Variants in ISM2 observed in about 807,000 individuals in gnomAD.
ISM2 encodes isthmin-2.
In ISM2, 50 loss-of-function variants were observed where a neutral mutation model predicts 58.0. The ratio of observed to expected loss-of-function variants is 0.86; its 90% confidence interval spans 0.69 to 1.09. ISM2 has a LOEUF of 1.09. Ranked by LOEUF, ISM2 falls within the 50% of genes least tolerant of loss-of-function variation. The pLI is 0.00. For missense variants in ISM2, 723 were observed against 745.0 expected, an observed-to-expected ratio of 0.97 and a Z score of 0.34; for synonymous variants, 303 against 312.4, an observed-to-expected ratio of 0.97 and a Z score of 0.32.
chr14:77,474,854 C>T lies in ISM2; in HGVS notation c.*741G>A, dbSNP rs1281883925. 6.6e-6 allele frequency: 1 copy of T among 152,280 alleles called. No homozygotes were observed. Among genetic ancestry groups the T allele is most frequent in the African/African-American group, 2.4e-5 (1 of 41,446 alleles). 9.4% of individuals were successfully genotyped at this position (152,280 alleles called of 1,614,324 possible). On this transcript the variant is annotated 3_prime_UTR_variant, in exon 7 of 7. Transcript: ENST00000342219. Reference sequence around the variant, plus strand: ...CTCGGGGGGAGTGCCAACTCCCAGCCCTGCACATCCCTACAATCAGCAGAA... The same window carrying T: ...CTCGGGGGGAGTGCCAACTCCCAGCTCTGCACATCCCTACAATCAGCAGAA...
chr14:77,479,858 C>G (rs1417677174), intron 4 of ISM2, among the ~76,000 whole-genome samples: 1 of 151,914 alleles, frequency 6.6e-6, no homozygotes, highest in South Asian at 2.1e-4. Flanking sequence ...CGGGGTTTCA[C>G]CATGTTGCCC....
intron 1 of ISM2, among the ~76,000 whole-genome samples, chr14:77,485,815 G>T (rs1205804828): frequency 6.6e-6 from 1 of 152,204 alleles, no homozygotes; most frequent in Non-Finnish European, 1.5e-5. Flanking sequence ...TCATACCTGG[G>T]CAGTATGGTA....
intron 4 of ISM2, 69 bp downstream of exon 4, chr14:77,482,253 C>T: frequency 8.1e-7 from 1 of 1,238,446 alleles, no homozygotes; most frequent in Non-Finnish European, 1.1e-6. Flanking sequence ...TCCACCCTCT[C>T]CCTCACCCCC....
intron 1 of ISM2, among the ~76,000 whole-genome samples, chr14:77,486,511 C>A (rs1389637460): frequency 1.3e-5 from 2 of 152,166 alleles, no homozygotes; most frequent in African/African-American, 4.8e-5. Flanking sequence ...CAACTCAGCC[C>A]CTTCACTGAC....
chr14:77,475,860 C>T lies in ISM2; in HGVS notation c.1451G>A (p.Ser484Asn). Residue 484 changes from serine to asparagine, a missense_variant, in exon 7 of 7, where the codon AGC (serine) becomes AAC (asparagine). By Grantham distance (46) the Ser-to-Asn change is conservative (BLOSUM62 1). Coordinates refer to ENST00000342219, the MANE Select transcript of ISM2 (RefSeq NM_199296.3). This position sits in a 1 kb window ranked among gnomAD's most constrained non-coding sequence, Gnocchi z 4.1. ...FCLRSMLSGE[S>N]STLAAQHCCY... ...GCAGTGCTGGGCGGCCAGTGTGCTGCTCTCCCCAGACAGCATGGAACGCAG... is the reference window on the plus strand; with the variant it reads ...GCAGTGCTGGGCGGCCAGTGTGCTGTTCTCCCCAGACAGCATGGAACGCAG... 6.2e-7 allele frequency: 1 copy of T among 1,609,224 alleles called. No homozygotes were observed. The highest frequency in any genetic ancestry group is 8.5e-7 in the Non-Finnish European group (1 of 1,179,886).
intron 1 of ISM2, among the ~76,000 whole-genome samples, chr14:77,489,077 G>A (rs761095287): frequency 1.8e-4 from 28 of 152,136 alleles, no homozygotes; most frequent in Admixed American, 3.3e-4. Flanking sequence ...AGGCTTGGCC[G>A]GGCAGCCCCT....
intron 4 of ISM2, among the ~76,000 whole-genome samples, chr14:77,481,059 G>T (rs1440070674): frequency 6.6e-6 from 1 of 151,936 alleles, no homozygotes; most frequent in African/African-American, 2.4e-5. Flanking sequence ...CATCATCATG[G>T]CCGGGCACGG....
chr14:77,475,309 C>T lies in ISM2; in HGVS notation c.*286G>A, dbSNP rs151296357. ...GGAGAAAAATGAGTGGCCAGGGTCC[C>T]AGCAGGCAGCAGAGGGAGGCCCCGG... On this transcript the variant is annotated 3_prime_UTR_variant, in exon 7 of 7. Transcript: ENST00000342219. The surrounding 1 kb of genome is among the most constrained non-coding windows in gnomAD (Gnocchi z 4.1). The T allele has an allele frequency of 6.4e-4, 176 of 273,136 alleles. No homozygotes were observed. Among genetic ancestry groups the T allele is most frequent in the African/African-American group, 3.1e-3 (143 of 45,720 alleles). The allele number at this position is 273,136 out of a possible 1,614,324, so 16.9% of individuals were successfully genotyped here. A position where few individuals can be genotyped will look rare whatever the true frequency, so the allele number is the denominator to read the frequency against.
rs755490049 is a variant in ISM2, at chr14:77,478,263, C to T, written c.1177G>A (p.Ala393Thr). ...TCACCTTGATCATGCATGTCCGTAG[C>T]ATTGCGGGCCAGGAGCTTCCACTCC... ...SEEWKLLARN[A>T]TDMHDQDVDS... is the part of the protein sequence containing the mutation. The change falls in exon 6 of 7, where the codon GCT becomes ACT. Residue 393 changes from alanine to threonine, a missense_variant. Ala to Thr is a moderately conservative substitution (Grantham distance 58). Coordinates refer to ENST00000342219, the MANE Select transcript of ISM2 (RefSeq NM_199296.3). 6 of 1,614,144 alleles carry T rather than the reference C, an allele frequency of 3.7e-6. No homozygotes were observed. In the South Asian group the frequency reaches 6.6e-5, roughly 18 times the overall value.
intron 1 of ISM2, among the ~76,000 whole-genome samples, chr14:77,487,315 T>C (rs980619009): frequency 1.3e-5 from 2 of 152,040 alleles, no homozygotes; most frequent in Admixed American, 6.5e-5. Context: ...ATGCTGTAGA[T>C]TGGGCTGCCT....
intron 1 of ISM2, chr14:77,498,446 T>G: frequency 1.7e-6 from 2 of 1,186,226 alleles, no homozygotes; most frequent in Non-Finnish European, 2.4e-6. Context: ...CGGCTCGCGG[T>G]CACGCGCGAG....
intron 1 of ISM2, among the ~76,000 whole-genome samples, chr14:77,488,751 G>GC (rs2079182991): frequency 6.6e-6 from 1 of 152,206 alleles, no homozygotes; most frequent in African/African-American, 2.4e-5. Context: ...GCCATCAGGG[G>GC]CACCCCCCTC....
chr14:77,475,897 C>A lies in ISM2; in HGVS notation c.1414G>T (p.Ala472Ser), dbSNP rs2079094994. 1.9e-6 allele frequency: 3 copies of A among 1,603,276 alleles called. No homozygotes were observed. Among genetic ancestry groups the A allele is most frequent in the Non-Finnish European group, 2.5e-6 (3 of 1,179,888 alleles). The change falls in exon 7 of 7, where the codon GCG (alanine) becomes TCG (serine). Residue 472 changes from alanine to serine, a missense_variant. Physicochemically the swap from Ala to Ser is moderately conservative, Grantham distance 99. Transcript: ENST00000342219. The surrounding 1 kb of genome is among the most constrained non-coding windows in gnomAD (Gnocchi z 4.1). ...AGCATGGAACGCAGGCAGAAGCGCG[C>A]CGTGGGCTGGTAGATGTCCAGGCGC... Reference protein sequence around the residue: ...RERLDIYQPTARFCLRSMLSG... With the variant: ...RERLDIYQPTSRFCLRSMLSG...
chr14:77,497,769 GGGAAGGAAGGAAGGAAGGAAGGAA>G (rs1177768719), intron 1 of ISM2, among the ~76,000 whole-genome samples: 56 of 86,212 alleles, frequency 6.5e-4, no homozygotes, highest in African/African-American at 3.2e-3. Flanking sequence ...GAGGGAGGGA[GGGAAGGAAGGAAGGAAGGAAGGAA>G]GGAAGGAAGG....
Position 77,487,032 on chromosome 14 carries a change from G to A in ISM2, c.142-2113C>T, listed in dbSNP as rs533162780. 4.4e-3 allele frequency among the ~76,000 whole-genome samples: 666 copies of A among 151,424 alleles called. 6 individuals carry two copies. The highest frequency in any genetic ancestry group is 0.015 in the African/African-American group (639 of 41,264). On this transcript the variant is annotated intron_variant, in intron 1 of 6. Coordinates refer to ENST00000342219, the MANE Select transcript of ISM2 (RefSeq NM_199296.3). ...TGAGGCGGGTGGATCACTTGAGGTC[G>A]GGAGTTTGAGACCAGCCTGGCCAAC...
At position 77,498,752 on chromosome 14, in the gene ISM2, C is replaced by T. The variant is rs1410808078; in HGVS notation, c.42G>A (p.Val14=). The change falls in exon 1 of 7, where the codon GTG becomes GTA. Residue 14 remains valine, a synonymous_variant. Transcript: ENST00000342219. ...CCTCCAGCAGCGCCGCCAGCAGCAG[C>T]ACGCAGAGGAGGAGCCCGGCTCGGT... The part of the protein sequence containing the change: ...LRDRAGLLLC[V]LLLAALLEAA... 6.8e-7 allele frequency: 1 copy of T among 1,480,010 alleles called. No homozygotes were observed. Among genetic ancestry groups the T allele is most frequent in the Non-Finnish European group, 8.9e-7 (1 of 1,123,968 alleles). 91.7% of individuals were successfully genotyped at this position (1,480,010 alleles called of 1,614,324 possible). A position where few individuals can be genotyped will look rare whatever the true frequency, so the allele number is the denominator to read the frequency against.
At chr14:77,488,205 C>A (rs980613813) in intron 1 of ISM2, among the ~76,000 whole-genome samples, 3 of 152,148 alleles carry the variant, frequency 2.0e-5, no homozygotes, top group Non-Finnish European at 2.9e-5. Context: ...ATTATAGGAG[C>A]CCGATAAATC....
At chr14:77,487,276 TA>T (rs1594951746) in intron 1 of ISM2, among the ~76,000 whole-genome samples, 1 of 149,210 alleles carries the variant, frequency 6.7e-6, no homozygotes. Flanking sequence ...AATAAATAAA[TA>T]AATAATAAAA....
chr14:77,489,094 C>T (rs1394708942), intron 1 of ISM2, among the ~76,000 whole-genome samples: 1 of 152,194 alleles, frequency 6.6e-6, no homozygotes, highest in Non-Finnish European at 1.5e-5. Flanking sequence ...CCCTGACCCA[C>T]GTGTTTCCAG....
Sources: allele counts gnomAD v4.1 joint callset (sites outside exome capture counted in the v4.1 genomes callset), GRCh38; gene constraint gnomAD v4.1.1; non-coding constraint Gnocchi (gnomAD v3.1); transcripts MANE v1.5; gene names NCBI Gene and HGNC (gene_info 2026-07-23, HGNC 2026-07-21).